Variants in MARF1 observed in about 807,000 individuals in gnomAD.
The protein encoded by MARF1 is meiosis regulator and mRNA stability factor 1, also known as limkain-b1.
A neutral mutation model predicts 168.2 loss-of-function variants in MARF1; 24 were observed. That is an observed-to-expected ratio of 0.14 (90% CI 0.10 to 0.20). The LOEUF is 0.20. Ranked by LOEUF, MARF1 falls within the 10% of genes least tolerant of loss-of-function variation. The pLI is 1.00. For synonymous variants in MARF1, 868 were observed against 822.4 expected, an observed-to-expected ratio of 1.06 and a Z score of -0.95; for missense variants, 1,744 against 2,143.6, an observed-to-expected ratio of 0.81 and a Z score of 3.68.
Position 15,623,009 on chromosome 16 carries a change from G to A in MARF1, c.2385C>T (p.Val795=), listed in dbSNP as rs774110588. 7 of 1,609,188 alleles carry A rather than the reference G, an allele frequency of 4.4e-6. No homozygotes were observed. The highest frequency in any genetic ancestry group is 6.0e-6 in the Non-Finnish European group (7 of 1,175,884). Reference sequence around the variant, plus strand: ...GGGATAATCTGTAGTCTATGTTGCTGACTTGGACATCAGCACCATTTGCAA... The same window carrying A: ...GGGATAATCTGTAGTCTATGTTGCTAACTTGGACATCAGCACCATTTGCAA... The part of the protein sequence containing the change: ...DPFANGADVQ[V]SNIDYRLSRK... The change falls in exon 11 of 27, where the codon GTC becomes GTT. Residue 795 remains valine (V), a synonymous_variant. Transcript: ENST00000396368.
chr16:15,636,372 AT>A, intron 2 of MARF1, 30 bp from the exon 3 acceptor site: 5 of 1,505,284 alleles, frequency 3.3e-6, no homozygotes, highest in Non-Finnish European at 4.5e-6. Context: ...ACATAAATTA[AT>A]TTTATGAGGT....
rs1016527357 is a variant in MARF1 at position 15,639,191 on chromosome 16, G to A, written c.43C>T (p.Arg15Cys). Reference protein sequence around the residue: ...NGTENSCSRTRGWLQQDNDAK... With the variant: ...NGTENSCSRTCGWLQQDNDAK... ...TCATTATCTTGTTGAAGCCATCCAC[G>A]TGTTCTACTGCAGGAGTTCTCAGTT... Residue 15 changes from arginine to cysteine, a missense_variant, in exon 2 of 27, where the codon CGT (arginine) becomes TGT (cysteine). Arg to Cys is a radical substitution (Grantham distance 180). Around this residue, in one of 7 missense-constraint regions of MARF1, gnomAD observed 318 missense variants for 336.6 expected, o/e 0.94. Coordinates refer to ENST00000396368, the MANE Select transcript of MARF1 (RefSeq NM_014647.4). 8.7e-6 allele frequency: 14 copies of A among 1,613,980 alleles called. No individual in the cohort carries two copies. In the South Asian group the frequency reaches 8.8e-5, roughly 10 times the overall value.
At chr16:15,609,121 C>T (rs991810491) in intron 20 of MARF1, among the ~76,000 whole-genome samples, 4 of 152,088 alleles carry the variant, frequency 2.6e-5, no homozygotes, top group African/African-American at 9.7e-5. Context: ...CACCTGTAAT[C>T]CCCAGCTACT....
At chr16:15,613,055 A>G (rs1431426461) in intron 16 of MARF1, among the ~76,000 whole-genome samples, 1 of 152,340 alleles carries the variant, frequency 6.6e-6, no homozygotes, top group Middle Eastern at 3.4e-3. Flanking sequence ...TTATAGCAGA[A>G]GTCAAAGTAC....
Position 15,602,311 on chromosome 16 carries a change from AAAG to A in MARF1, c.4414-111_4414-109del. On this transcript the variant is annotated intron_variant, in intron 22 of 26. Coordinates refer to ENST00000396368, the MANE Select transcript of MARF1 (RefSeq NM_014647.4). The stretch of plus-strand genomic sequence containing the variant: ...AAGGCCCAGAGTTGAAGACGAAGAC[AAAG>A]AAGAAAAAGAAGGCAACGAAGATGA... The A allele has an allele frequency of 3.8e-6, 3 of 799,642 alleles. 1 individual carries two copies. The highest frequency in any genetic ancestry group is 3.2e-5 in the South Asian group (2 of 62,328). 49.5% of individuals were successfully genotyped at this position (799,642 alleles called of 1,614,324 possible).
At chr16:15,640,344 T>C (rs1228277523) in intron 1 of MARF1, among the ~76,000 whole-genome samples, 2 of 152,174 alleles carry the variant, frequency 1.3e-5, no homozygotes, top group African/African-American at 4.8e-5. Context: ...ATCTAACTGA[T>C]AGAAAAATCT....
chr16:15,637,717 T>G (rs527696153), intron 2 of MARF1, among the ~76,000 whole-genome samples: 2 of 152,240 alleles, frequency 1.3e-5, no homozygotes, highest in African/African-American at 4.8e-5. Flanking sequence ...TACCACCCCA[T>G]CCCAGGAAGC....
At chr16:15,620,007 T>C (rs1292532859) in intron 13 of MARF1, among the ~76,000 whole-genome samples, 1 of 151,968 alleles carries the variant, frequency 6.6e-6, no homozygotes, top group Non-Finnish European at 1.5e-5. Flanking sequence ...CTACTAAAAA[T>C]ACGAAAACTT....
chr16:15,609,494 C>T (rs1427476072), intron 20 of MARF1, 29 bp downstream of exon 20: 1 of 1,574,182 alleles, frequency 6.4e-7, no homozygotes, highest in African/African-American at 1.4e-5. Flanking sequence ...CAGAAAAATA[C>T]TTTATAAAAT....
At chr16:15,633,267 C>T (rs1399715611) in intron 5 of MARF1, among the ~76,000 whole-genome samples, 1 of 151,780 alleles carries the variant, frequency 6.6e-6, no homozygotes, top group East Asian at 1.9e-4. Context: ...TTGAGACAAG[C>T]CTCCACCACC....
At position 15,600,529 on chromosome 16, in the gene MARF1, G is replaced by A. The variant is rs2032312167; in HGVS notation, c.4712C>T (p.Ser1571Phe). ...MKSRLSSLSL[S>F]PANHENQPSE... ...GGGCTGGTTTTCATGATTGGCAGGG[G>A]AGAGACTGAGTGAACTCAAACGACC... The change falls in exon 25 of 27, where the codon TCC becomes TTC. Residue 1571 changes from serine (S) to phenylalanine (F), a missense_variant. Ser to Phe is a radical substitution (Grantham distance 155). Around this residue, in one of 7 missense-constraint regions of MARF1, gnomAD observed 313 missense variants for 337.4 expected, o/e 0.93. Coordinates refer to ENST00000396368, the MANE Select transcript of MARF1 (RefSeq NM_014647.4). 6.2e-7 allele frequency: 1 copy of A among 1,614,196 alleles called. No homozygotes were observed. Among genetic ancestry groups the A allele is most frequent in the Middle Eastern group, 1.6e-4 (1 of 6,062 alleles).
intron 23 of MARF1, chr16:15,601,680 C>T (rs994802446): frequency 2.2e-5 from 10 of 451,402 alleles, no homozygotes; most frequent in African/African-American, 7.8e-5. Flanking sequence ...CCCTCCTCAG[C>T]GCGCCCACTG....
rs759039264 is a variant in MARF1 at position 15,625,534 on chromosome 16, T to G, written c.1791A>C (p.Ala597=). ...TGGGAGACTTCACTTTATCAGCAAT[T>G]GCATTTGAACTCTTTGTTTCACAGA... is the stretch of plus-strand genomic sequence containing the variant. ...RELCETKSSN[A]IADKVKSPKK... The change falls in exon 8 of 27, where the codon GCA becomes GCC. Residue 597 remains alanine, a synonymous_variant. Coordinates refer to ENST00000396368, the MANE Select transcript of MARF1 (RefSeq NM_014647.4). The G allele has an allele frequency of 2.5e-6, 4 of 1,614,106 alleles. No homozygotes were observed. The highest frequency in any genetic ancestry group is 3.4e-6 in the Non-Finnish European group (4 of 1,180,044).
rs1555518945 is a variant in MARF1, at chr16:15,598,789, G to GTA, written c.4984+63_4984+64dup. The GTA allele has an allele frequency of 3.4e-6, 5 of 1,457,902 alleles. No individual in the cohort carries two copies. The African/African-American group carries it at 7.0e-5, about 20-fold the overall frequency. The allele number at this position is 1,457,902 out of a possible 1,614,324, so 90.3% of individuals were successfully genotyped here. A position where few individuals can be genotyped will look rare whatever the true frequency, so the allele number is the denominator to read the frequency against. On this transcript the variant is annotated intron_variant, in intron 26 of 26. Transcript: ENST00000396368. Reference sequence around the variant, plus strand: ...CCCACCTCCGTCATTTACTATATCAGTATCTCATCGTGGTTTTGTTTTAAA... The same window carrying GTA: ...CCCACCTCCGTCATTTACTATATCAGTATATCTCATCGTGGTTTTGTTTTAAA...
chr16:15,636,208 A>C lies in MARF1; in HGVS notation c.279T>G (p.Leu93=). ...AGCAGCTTACTTTGGGGACAGAAGA[A>C]AGCTGTATTTTAGGCTGCTGAAGAG... ...IRSLQQPKIQ[L]SSVPKVSCCA... is the part of the protein sequence containing the mutation. The change falls in exon 3 of 27, where the codon CTT becomes CTG. Residue 93 remains leucine, a synonymous_variant. Coordinates refer to ENST00000396368, the MANE Select transcript of MARF1 (RefSeq NM_014647.4). The C allele has an allele frequency of 6.2e-7, 1 of 1,614,228 alleles. No individual in the cohort carries two copies. The highest frequency in any genetic ancestry group is 8.5e-7 in the Non-Finnish European group (1 of 1,180,038).
At chr16:15,606,326 G>A (rs890614532) in intron 21 of MARF1, among the ~76,000 whole-genome samples, 19 of 151,924 alleles carry the variant, frequency 1.3e-4, no homozygotes, top group African/African-American at 4.4e-4. Context: ...GACGCCCATC[G>A]GTAAACTCCC....
intron 10 of MARF1, 60 bp from the exon 11 acceptor site, chr16:15,623,183 A>C (rs2151198745): frequency 7.5e-7 from 1 of 1,325,448 alleles, no homozygotes; most frequent in South Asian, 1.9e-5. Flanking sequence ...TTTAGATTTT[A>C]TCATTTAGGC....
At chr16:15,612,823 C>A (rs2033687536) in intron 16 of MARF1, 46 bp from the exon 17 acceptor site, 2 of 1,547,694 alleles carry the variant, frequency 1.3e-6, no homozygotes, top group Non-Finnish European at 1.8e-6. Flanking sequence ...CAGATTTCAC[C>A]AGCTGAAAGA....
At position 15,617,340 on chromosome 16, in the gene MARF1, G is replaced by A. The variant is rs747940163; in HGVS notation, c.2916C>T (p.His972=). The change falls in exon 14 of 27, where the codon CAC becomes CAT. Residue 972 remains histidine (H), a synonymous_variant. Transcript: ENST00000396368. The part of the protein sequence containing the change: ...SPIIFEELEY[H]EPVCRQHCSN... Reference sequence around the variant, plus strand: ...AACAATGCTGTCTGCAGACAGGCTCGTGATATTCTAACTCTTCAAATATAA... The same window carrying A: ...AACAATGCTGTCTGCAGACAGGCTCATGATATTCTAACTCTTCAAATATAA... 3.1e-6 allele frequency: 5 copies of A among 1,613,988 alleles called. No homozygotes were observed. The highest frequency in any genetic ancestry group is 2.2e-5 in the East Asian group (1 of 44,890).
Sources: allele counts gnomAD v4.1 joint callset (sites outside exome capture counted in the v4.1 genomes callset), GRCh38; gene constraint gnomAD v4.1.1; regional missense constraint gnomAD v4.1.1; transcripts MANE v1.5; gene names NCBI Gene and HGNC (gene_info 2026-07-23, HGNC 2026-07-21).